The following TGFBR3 variants were observed in gnomAD, a reference collection of about 807,000 sequenced individuals.
The protein encoded by TGFBR3 is transforming growth factor beta receptor type 3.
Under a neutral mutation model 87.9 loss-of-function variants are expected in TGFBR3, and 46 were observed. That is an observed-to-expected ratio of 0.52 (90% confidence interval 0.41 to 0.67). The LOEUF (loss-of-function observed/expected upper bound fraction) is 0.67. Among genes scored for constraint, TGFBR3 ranks in the 30% least tolerant of loss-of-function variants. The pLI, the probability that TGFBR3 is intolerant of heterozygous loss-of-function variation, is 0.00. For missense variants in TGFBR3, 866 were observed against 1,041.9 expected, an observed-to-expected ratio of 0.83 and a Z score of 2.32; for synonymous variants, 381 against 391.6, an observed-to-expected ratio of 0.97 and a Z score of 0.32.
At chr1:91,752,997 A>G (rs1003404096) in intron 4 of TGFBR3, among the ~76,000 whole-genome samples, 8 of 151,526 alleles carry the variant, frequency 5.3e-5, no homozygotes, top group African/African-American at 1.9e-4. Flanking sequence ...ACTGAACTCT[A>G]GCTTGGGCTA....
At chr1:91,839,479 C>G (rs1480062725) in intron 2 of TGFBR3, among the ~76,000 whole-genome samples, 1 of 152,124 alleles carries the variant, frequency 6.6e-6, no homozygotes, top group Non-Finnish European at 1.5e-5. Context: ...ACCTTTACAC[C>G]AGAGAATTCT....
chr1:91,792,271 T>A (rs1464737128), intron 3 of TGFBR3, among the ~76,000 whole-genome samples: 1 of 152,146 alleles, frequency 6.6e-6, no homozygotes, highest in Non-Finnish European at 1.5e-5. Flanking sequence ...TGGAGGCTCA[T>A]CCCAAATCCT....
At chr1:91,856,036 G>T (rs750657447) in intron 2 of TGFBR3, among the ~76,000 whole-genome samples, 1 of 151,884 alleles carries the variant, frequency 6.6e-6, no homozygotes, top group Non-Finnish European at 1.5e-5. Flanking sequence ...ATATGATAAC[G>T]AAGGAACGAG....
At chr1:91,721,755 C>G (rs1339280035) in intron 8 of TGFBR3, among the ~76,000 whole-genome samples, 200 bp downstream of exon 8, 1 of 152,158 alleles carries the variant, frequency 6.6e-6, no homozygotes. Context: ...ATGCATTCAA[C>G]TCTATGTCAC....
At chr1:91,888,627 AG>A (rs1679383851), upstream of TGFBR3, among the ~76,000 whole-genome samples, 1 of 152,156 alleles carries the variant, frequency 6.6e-6, no homozygotes, top group African/African-American at 2.4e-5. Context: ...GTTTGAACCC[AG>A]GAGGCAGAGG....
intron 10 of TGFBR3, among the ~76,000 whole-genome samples, chr1:91,717,178 G>A (rs1050972083): frequency 2.0e-5 from 3 of 152,002 alleles, no homozygotes; most frequent in Non-Finnish European, 4.4e-5. Flanking sequence ...GTTGTAGAAA[G>A]TTTGGTTGGA....
At chr1:91,764,762 C>T (rs1674112359) in intron 3 of TGFBR3, among the ~76,000 whole-genome samples, 1 of 152,186 alleles carries the variant, frequency 6.6e-6, no homozygotes, top group African/African-American at 2.4e-5. Flanking sequence ...ATCACTAACA[C>T]ACCGCAGCCT....
intron 3 of TGFBR3, among the ~76,000 whole-genome samples, chr1:91,789,210 G>A (rs1284989021): frequency 2.0e-5 from 3 of 152,192 alleles, no homozygotes; most frequent in Non-Finnish European, 4.4e-5. Flanking sequence ...AGGAGGCTAA[G>A]GCAGGAGAAT....
intron 2 of TGFBR3, among the ~76,000 whole-genome samples, chr1:91,802,953 G>A (rs1038387742): frequency 2.0e-5 from 3 of 151,990 alleles, no homozygotes; most frequent in East Asian, 1.9e-4. Flanking sequence ...GGGCACCATC[G>A]TCTCTCGTTC....
chr1:91,722,238 T>C (rs749626854), intron 7 of TGFBR3, 94 bp from the exon 8 acceptor site: 107 of 1,045,960 alleles, frequency 1.0e-4, no homozygotes, highest in Admixed American at 1.5e-4. Context: ...AGATTCTATA[T>C]TGTATATGAG....
In TGFBR3 at chr1:91,725,086, T is replaced by C. The variant is rs1162279402; in HGVS notation, c.885+2573A>G. On this transcript the variant is annotated intron_variant, in intron 7 of 16. Coordinates refer to ENST00000212355, the MANE Select transcript of TGFBR3 (RefSeq NM_003243.5). ...TTCCTACCATAAAAGTGATTATGCA[T>C]GGTCCACACAGGACCTGAGAAAAGA... Among the ~76,000 whole-genome samples the C allele has an allele frequency of 2.6e-5, 4 of 152,286 alleles. No homozygotes were observed. In the East Asian group the frequency reaches 7.7e-4, roughly 29 times the overall value.
intron 2 of TGFBR3, among the ~76,000 whole-genome samples, chr1:91,803,730 C>T (rs1343243657): frequency 6.6e-6 from 1 of 152,056 alleles, no homozygotes; most frequent in Non-Finnish European, 1.5e-5. Context: ...GAACACATTC[C>T]CCACCGTTTC....
intron 2 of TGFBR3, among the ~76,000 whole-genome samples, chr1:91,806,852 G>C (rs897691567): frequency 2.0e-5 from 3 of 152,170 alleles, no homozygotes; most frequent in Non-Finnish European, 2.9e-5. Flanking sequence ...GTGGGACTGG[G>C]TACTACAGGA....
intron 1 of TGFBR3, among the ~76,000 whole-genome samples, chr1:91,876,123 G>A (rs1571596134): frequency 6.6e-6 from 1 of 151,948 alleles, no homozygotes; most frequent in South Asian, 2.1e-4. Context: ...TGTGGTGGGC[G>A]TGGGAGCCAG....
At chr1:91,764,754 C>T (rs2100914185) in intron 3 of TGFBR3, among the ~76,000 whole-genome samples, 1 of 152,314 alleles carries the variant, frequency 6.6e-6, no homozygotes, top group South Asian at 2.1e-4. Flanking sequence ...CTGTGTACAT[C>T]ACTAACACAC....
chr1:91,859,387 G>A lies in TGFBR3; in HGVS notation c.61+2084C>T, dbSNP rs546710216. ...AAAACAGCATGTTTTCCATCAAGCC[G>A]CTTCTCTCCCTCTTTCTCTCTCTCT... On this transcript the variant is annotated intron_variant, in intron 2 of 16. Coordinates refer to ENST00000212355, the MANE Select transcript of TGFBR3 (RefSeq NM_003243.5). 6.7e-5 allele frequency among the ~76,000 whole-genome samples: 9 copies of A among 134,570 alleles called. No homozygotes were observed. The South Asian group carries it at 6.9e-4, about 10-fold the overall frequency. 88.3% of individuals were successfully genotyped at this position (134,570 alleles called of 152,430 possible).
chr1:91,795,141 G>A (rs556141846), intron 3 of TGFBR3, among the ~76,000 whole-genome samples: 2 of 152,292 alleles, frequency 1.3e-5, no homozygotes, highest in South Asian at 2.1e-4. Flanking sequence ...GCAACGCAGA[G>A]CCAGATGGAA....
rs1034357559 is a variant in TGFBR3, at chr1:91,727,885, T to C, written c.738-79A>G. ...CTATCTCCCCTCTTCCAAGTCTTCA[T>C]GTTTCTAGTGTCTGGCCAGTTGATT... On this transcript the variant is annotated intron_variant, in intron 6 of 16. Coordinates refer to ENST00000212355, the MANE Select transcript of TGFBR3 (RefSeq NM_003243.5). 1.4e-5 allele frequency: 21 copies of C among 1,542,032 alleles called. No individual in the cohort carries two copies. In the African/African-American group the frequency reaches 2.7e-4, roughly 20 times the overall value.
rs117138421 is a variant in TGFBR3, at chr1:91,740,232, G to C, written c.385-5273C>G. ...GTGCCACCACATCCGGCTAATTTTT[G>C]TATTATTAGTAAAGACGGGTTTCAC... is the stretch of plus-strand genomic sequence containing the variant. On this transcript the variant is annotated intron_variant, in intron 4 of 16. Coordinates refer to ENST00000212355, the MANE Select transcript of TGFBR3 (RefSeq NM_003243.5). Among the ~76,000 whole-genome samples, 475 of 151,882 alleles carry C rather than the reference G, an allele frequency of 3.1e-3. 17 individuals carry two copies. In the East Asian group the frequency reaches 0.077, roughly 25 times the overall value.
Sources: gnomAD v4.1 joint callset for allele counts (sites outside exome capture counted in the v4.1 genomes callset) on GRCh38, gnomAD v4.1.1 for gene constraint, MANE v1.5 for transcripts, NCBI Gene and HGNC (gene_info 2026-07-23, HGNC 2026-07-21) for gene names.